The following RERE variants were observed in gnomAD, a reference collection of about 807,000 sequenced individuals.
RERE encodes arginine-glutamic acid dipeptide repeats.
Under a neutral mutation model 146.1 loss-of-function variants are expected in RERE, and 40 were observed. The ratio of observed to expected loss-of-function variants is 0.27; its 90% CI spans 0.21 to 0.36. The LOEUF (loss-of-function observed/expected upper bound fraction) is 0.36. Among genes scored for constraint, RERE ranks in the 10% least tolerant of loss-of-function variants. RERE has a pLI of 1.00. For missense variants in RERE, 1,933 were observed against 2,138.7 expected, an observed-to-expected ratio of 0.90 and a Z score of 1.90; for synonymous variants, 1,003 against 866.0, an observed-to-expected ratio of 1.16 and a Z score of -2.78.
intron 1 of RERE, among the ~76,000 whole-genome samples, chr1:8,775,482 G>A (rs1384082612): frequency 6.6e-6 from 1 of 152,158 alleles, no homozygotes; most frequent in Non-Finnish European, 1.5e-5. Context: ...TACTCAGGAG[G>A]CTGAAATGAG....
At chr1:8,536,472 A>G (rs766244166) in intron 7 of RERE, among the ~76,000 whole-genome samples, 4 of 152,230 alleles carry the variant, frequency 2.6e-5, no homozygotes, top group Non-Finnish European at 5.9e-5. Context: ...CCCTATGGTC[A>G]TCTCTTTTTG....
chr1:8,709,734 ATT>A (rs765258769), intron 1 of RERE, among the ~76,000 whole-genome samples: 18 of 152,278 alleles, frequency 1.2e-4, no homozygotes, highest in Non-Finnish European at 2.2e-4. Context: ...CAAGCCCCTT[ATT>A]GAGTCTTTTT....
intron 8 of RERE, among the ~76,000 whole-genome samples, chr1:8,504,763 G>A (rs1645228663): frequency 6.6e-6 from 1 of 152,154 alleles, no homozygotes; most frequent in African/African-American, 2.4e-5. Context: ...TGAGGCAGGA[G>A]AATGGCTTGA....
At chr1:8,584,613 A>G (rs1391312608) in intron 4 of RERE, among the ~76,000 whole-genome samples, 2 of 152,138 alleles carry the variant, frequency 1.3e-5, no homozygotes, top group Non-Finnish European at 2.9e-5. Context: ...ACAGCTACAT[A>G]AGGACTAGTG....
intron 4 of RERE, among the ~76,000 whole-genome samples, chr1:8,581,975 T>C (rs1229739165): frequency 2.6e-5 from 4 of 152,164 alleles, no homozygotes; most frequent in African/African-American, 9.7e-5. Context: ...GCATATACAC[T>C]GGAACTGTTG....
chr1:8,484,878 T>C (rs1427018547), intron 10 of RERE, among the ~76,000 whole-genome samples: 2 of 152,230 alleles, frequency 1.3e-5, no homozygotes, highest in Admixed American at 6.5e-5. Flanking sequence ...CTTCTTCCTC[T>C]ACAGCGGTAC....
At chr1:8,467,801 C>T (rs1230289515) in intron 10 of RERE, among the ~76,000 whole-genome samples, 4 of 152,102 alleles carry the variant, frequency 2.6e-5, no homozygotes, top group East Asian at 1.9e-4. Context: ...CCTGCCACCA[C>T]GCCCGGCTTA....
chr1:8,746,094 T>G (rs1316751288), intron 1 of RERE, among the ~76,000 whole-genome samples: 1 of 152,198 alleles, frequency 6.6e-6, no homozygotes, highest in East Asian at 1.9e-4. Context: ...TTCCTCTTAC[T>G]TTTGAAAGGC....
At chr1:8,649,688 C>T (rs1280517994) in intron 2 of RERE, among the ~76,000 whole-genome samples, 6 of 150,390 alleles carry the variant, frequency 4.0e-5, no homozygotes, top group African/African-American at 2.5e-5. Context: ...TGAGATTGCA[C>T]CACTGCACTC....
At chr1:8,418,185 T>TA (rs1643829327) in intron 12 of RERE, among the ~76,000 whole-genome samples, 1 of 152,178 alleles carries the variant, frequency 6.6e-6, no homozygotes, top group African/African-American at 2.4e-5. Flanking sequence ...CCCAGAACTT[T>TA]AAAAAATTGA....
At position 8,458,851 on chromosome 1, in the gene RERE, C is replaced by T. The variant is rs80080500; in HGVS notation, c.1203+7074G>A. Among the ~76,000 whole-genome samples, 804 of 152,298 alleles carry T rather than the reference C, an allele frequency of 5.3e-3. 8 individuals are homozygous for T. The highest frequency in any genetic ancestry group is 0.019 in the African/African-American group (769 of 41,550). On this transcript the variant is annotated intron_variant, in intron 11 of 22. Coordinates refer to ENST00000400908, the MANE Select transcript of RERE (RefSeq NM_001042681.2). ...TGAATCTGTACATTTATCCCAGAGG[C>T]GACTTCTACTGACATGAACTACTGA...
chr1:8,368,087 C>T (rs1641885519), intron 12 of RERE, among the ~76,000 whole-genome samples: 3 of 152,306 alleles, frequency 2.0e-5, no homozygotes, highest in Admixed American at 2.0e-4. Flanking sequence ...GCTCAAATTC[C>T]AGAGCTTGAA....
chr1:8,467,789 C>A (rs568373353), intron 10 of RERE, among the ~76,000 whole-genome samples: 1 of 152,054 alleles, frequency 6.6e-6, no homozygotes, highest in African/African-American at 2.4e-5. Flanking sequence ...GGATTACAGG[C>A]GCCTGCCACC....
rs145921721 is a variant in RERE, at chr1:8,440,241, G to A, written c.1204-17434C>T. On this transcript the variant is annotated intron_variant, in intron 11 of 22. Coordinates refer to ENST00000400908, the MANE Select transcript of RERE (RefSeq NM_001042681.2). The stretch of plus-strand genomic sequence containing the variant: ...GGAAGGGGCCAGCACTGAGTGCACA[G>A]TTCTTTATCTCTTCTGTGCCATGGA... Among the ~76,000 whole-genome samples the A allele has an allele frequency of 4.3e-3, 654 of 152,320 alleles. 8 individuals carry two copies. The South Asian group carries it at 0.044, about 10-fold the overall frequency.
At chr1:8,650,668 G>A (rs1417670142) in intron 2 of RERE, among the ~76,000 whole-genome samples, 1 of 152,116 alleles carries the variant, frequency 6.6e-6, no homozygotes, top group African/African-American at 2.4e-5. Flanking sequence ...GGAGGCCGGG[G>A]CGGGCAGATC....
At chr1:8,763,765 C>T (rs752589375) in intron 1 of RERE, among the ~76,000 whole-genome samples, 43 of 152,036 alleles carry the variant, frequency 2.8e-4, no homozygotes, top group Non-Finnish European at 5.1e-4. Flanking sequence ...ATGGTGAAGC[C>T]CCATCTCTAC....
intron 3 of RERE, among the ~76,000 whole-genome samples, chr1:8,622,847 G>A (rs1215071065): frequency 2.0e-5 from 3 of 151,972 alleles, no homozygotes; most frequent in East Asian, 1.9e-4. Context: ...AAAAACAAAG[G>A]AGATGCAGAG....
At chr1:8,681,706 T>C (rs1057059019) in intron 1 of RERE, among the ~76,000 whole-genome samples, 3 of 152,176 alleles carry the variant, frequency 2.0e-5, no homozygotes, top group Admixed American at 2.0e-4. Flanking sequence ...AATTTATCTA[T>C]AATACTAGAG....
At chr1:8,595,841 G>A (rs1204748624) in intron 4 of RERE, among the ~76,000 whole-genome samples, 1 of 152,026 alleles carries the variant, frequency 6.6e-6, no homozygotes. Flanking sequence ...TAGGAAAGAA[G>A]AAATGCAATT....
Sources: allele counts gnomAD v4.1 joint callset (sites outside exome capture counted in the v4.1 genomes callset), GRCh38; gene constraint gnomAD v4.1.1; transcripts MANE v1.5; gene names NCBI Gene and HGNC (gene_info 2026-07-23, HGNC 2026-07-21).